The following CSPP1 variants were observed in gnomAD, a reference collection of about 807,000 sequenced individuals.
CSPP1 encodes centrosome and spindle pole-associated protein 1.
In CSPP1, 126 loss-of-function variants were observed where a neutral mutation model predicts 164.4. That is an observed-to-expected ratio of 0.77 (90% CI 0.66 to 0.89). The LOEUF (loss-of-function observed/expected upper bound fraction) is 0.89. Ranked by LOEUF, CSPP1 falls within the 40% of genes least tolerant of loss-of-function variation. The pLI is 0.00. For synonymous variants in CSPP1, 472 were observed against 476.7 expected (o/e 0.99, Z 0.13); for missense variants, 1,395 against 1,449.8 (o/e 0.96, Z 0.61).
intron 26 of CSPP1, among the ~76,000 whole-genome samples, chr8:67,177,001 G>A (rs888332056): frequency 2.0e-5 from 3 of 150,752 alleles, no homozygotes; most frequent in African/African-American, 7.3e-5. Context: ...AACCCAGGAG[G>A]TGGAGGTTGC....
intron 28 of CSPP1, among the ~76,000 whole-genome samples, chr8:67,186,751 CAT>C (rs961956024): frequency 8.5e-5 from 13 of 152,266 alleles, no homozygotes; most frequent in African/African-American, 2.9e-4. Context: ...TCACAGATGA[CAT>C]GATTGTCTAT....
intron 17 of CSPP1, among the ~76,000 whole-genome samples, 189 bp downstream of exon 17, chr8:67,137,792 C>G (rs1215774700): frequency 6.6e-6 from 1 of 152,144 alleles, no homozygotes; most frequent in Non-Finnish European, 1.5e-5. Context: ...CTTCAGAATA[C>G]TATCCATTTG....
At chr8:67,073,867 T>A (rs1007490739) in intron 1 of CSPP1, among the ~76,000 whole-genome samples, 1 of 152,188 alleles carries the variant, frequency 6.6e-6, no homozygotes, top group Non-Finnish European at 1.5e-5. Context: ...TTCTTGGTAT[T>A]ATTACTGTAA....
At chr8:67,125,820 A>G (rs1819941054) in intron 15 of CSPP1, among the ~76,000 whole-genome samples, 1 of 151,986 alleles carries the variant, frequency 6.6e-6, no homozygotes, top group Admixed American at 6.6e-5. Context: ...TATTTGGTAA[A>G]CATTGTTTTC....
At chr8:67,065,390 A>C (rs540828873) in intron 1 of CSPP1, 1 of 186,188 alleles carries the variant, frequency 5.4e-6, no homozygotes, top group East Asian at 1.9e-4. Flanking sequence ...CTAAATTCTG[A>C]AGTAAACCAT....
chr8:67,137,840 C>A (rs553372655), intron 17 of CSPP1, among the ~76,000 whole-genome samples: 2 of 152,042 alleles, frequency 1.3e-5, no homozygotes, highest in Non-Finnish European at 2.9e-5. Context: ...ATGTTGATAA[C>A]CCAGTTGCAG....
At chr8:67,142,893 T>A (rs1823782314) in intron 17 of CSPP1, among the ~76,000 whole-genome samples, 1 of 152,180 alleles carries the variant, frequency 6.6e-6, no homozygotes, top group Admixed American at 6.5e-5. Flanking sequence ...TAAAAAAAGC[T>A]TTTTCTATTG....
chr8:67,081,783 C>T (rs1233044253), intron 3 of CSPP1, among the ~76,000 whole-genome samples: 1 of 152,168 alleles, frequency 6.6e-6, no homozygotes, highest in Non-Finnish European at 1.5e-5. Flanking sequence ...CTTGCTCTGT[C>T]ATCCAGGCTC....
chr8:67,101,746 T>C (rs1814166568), intron 7 of CSPP1, among the ~76,000 whole-genome samples: 1 of 152,238 alleles, frequency 6.6e-6, no homozygotes. Context: ...TATATGCTGG[T>C]TCTGTGGAGA....
At chr8:67,087,910 C>CG (rs1457519729) in intron 4 of CSPP1, among the ~76,000 whole-genome samples, 1 of 152,128 alleles carries the variant, frequency 6.6e-6, no homozygotes, top group African/African-American at 2.4e-5. Context: ...CTGATTTCCT[C>CG]GCGCTAATTT....
At chr8:67,189,430 T>G (rs1835581822) in intron 28 of CSPP1, among the ~76,000 whole-genome samples, 1 of 152,178 alleles carries the variant, frequency 6.6e-6, no homozygotes, top group Non-Finnish European at 1.5e-5. Flanking sequence ...TTTTCAGCAC[T>G]AAAACAAAAT....
chr8:67,166,785 A>G (rs894670072), intron 24 of CSPP1, among the ~76,000 whole-genome samples: 2 of 150,090 alleles, frequency 1.3e-5, no homozygotes, highest in African/African-American at 2.5e-5. Context: ...GGGATTTTGT[A>G]GGGTCATAGG....
At chr8:67,092,841 CAG>C (rs1811912733) in intron 5 of CSPP1, among the ~76,000 whole-genome samples, 2 of 152,228 alleles carry the variant, frequency 1.3e-5, no homozygotes, top group African/African-American at 4.8e-5. Flanking sequence ...TATGTTTTAA[CAG>C]AACATTTCAT....
intron 18 of CSPP1, among the ~76,000 whole-genome samples, chr8:67,151,280 T>C (rs139689764): frequency 2.6e-5 from 4 of 152,356 alleles, no homozygotes; most frequent in Non-Finnish European, 5.9e-5. Context: ...ATTTTGACAA[T>C]ATTATTGATT....
rs180853581 is a variant in CSPP1 at position 67,163,825 on chromosome 8, C to T, written c.2710+27C>T. 8.9e-5 allele frequency: 135 copies of T among 1,511,286 alleles called. No homozygotes were observed. The African/African-American group carries it at 1.7e-3, about 19-fold the overall frequency. The allele number at this position is 1,511,286 out of a possible 1,614,324, so 93.6% of individuals were successfully genotyped here. ...TAGAGTTAACTACTAAACCTGTTAC[C>T]TAGAGTATTTCTCTTTTTAACTTTT... On this transcript the variant is annotated intron_variant, in intron 23 of 30. Transcript: ENST00000678616.
chr8:67,119,580 C>G (rs1437825826), intron 15 of CSPP1, among the ~76,000 whole-genome samples: 2 of 152,018 alleles, frequency 1.3e-5, no homozygotes, highest in African/African-American at 4.8e-5. Flanking sequence ...TTATAGTAAC[C>G]ATTCTAATGA....
intron 22 of CSPP1, among the ~76,000 whole-genome samples, chr8:67,162,698 T>C (rs550378227): frequency 3.3e-5 from 5 of 152,200 alleles, no homozygotes; most frequent in Middle Eastern, 3.4e-3. Context: ...ATAAGATGCT[T>C]TTGCACAAGT....
At chr8:67,103,804 C>T (rs2129547258) in intron 8 of CSPP1, among the ~76,000 whole-genome samples, 1 of 143,186 alleles carries the variant, frequency 7.0e-6, no homozygotes, top group Non-Finnish European at 1.5e-5. Context: ...CGCACCACTG[C>T]ACTCCAGTCT....
chr8:67,075,798 T>G (rs1807788521), intron 2 of CSPP1, among the ~76,000 whole-genome samples: 1 of 152,212 alleles, frequency 6.6e-6, no homozygotes, highest in Non-Finnish European at 1.5e-5. Flanking sequence ...ATTAAGAAAG[T>G]GAAGCTCACA....
Sources: allele counts gnomAD v4.1 joint callset (sites outside exome capture counted in the v4.1 genomes callset), GRCh38; gene constraint gnomAD v4.1.1; transcripts MANE v1.5; gene names NCBI Gene and HGNC (gene_info 2026-07-23, HGNC 2026-07-21).